The following PRKCB variants were observed in gnomAD, a reference collection of about 807,000 sequenced individuals.
PRKCB encodes the protein protein kinase C beta type.
Under a neutral mutation model 81.5 loss-of-function variants are expected in PRKCB, and 13 were observed. That is an observed-to-expected ratio of 0.16 (90% CI 0.10 to 0.25). PRKCB has a LOEUF of 0.25. Among genes scored for constraint, PRKCB ranks in the 10% least tolerant of loss-of-function variants. The pLI, the probability that PRKCB is intolerant of heterozygous loss-of-function variation, is 1.00. For missense variants in PRKCB, 509 were observed against 875.7 expected, an observed-to-expected ratio of 0.58 and a Z score of 5.29; for synonymous variants, 335 against 321.4, an observed-to-expected ratio of 1.04 and a Z score of -0.45.
chr16:23,839,084 G>C (rs1410318358), intron 2 of PRKCB, among the ~76,000 whole-genome samples: 1 of 152,052 alleles, frequency 6.6e-6, no homozygotes, highest in Non-Finnish European at 1.5e-5. Context: ...TTTTTACCAC[G>C]GATCTTCTAT....
intron 8 of PRKCB, among the ~76,000 whole-genome samples, chr16:24,118,467 T>C (rs183450003): frequency 8.5e-5 from 13 of 152,336 alleles, no homozygotes; most frequent in African/African-American, 2.6e-4. Flanking sequence ...ACTCCTAGCC[T>C]ACAGAGGTCC....
At chr16:24,011,682 A>G (rs1026854629) in intron 3 of PRKCB, among the ~76,000 whole-genome samples, 1 of 152,032 alleles carries the variant, frequency 6.6e-6, no homozygotes, top group Admixed American at 6.5e-5. Context: ...ACACCTGGCT[A>G]ATTTTAAATT....
chr16:23,948,980 C>T (rs147090157), intron 2 of PRKCB, among the ~76,000 whole-genome samples: 9 of 152,264 alleles, frequency 5.9e-5, no homozygotes, highest in African/African-American at 1.4e-4. Flanking sequence ...GGGCTGGGCA[C>T]GCCTGTTGGT....
At chr16:23,973,766 G>A (rs1380004785) in intron 2 of PRKCB, among the ~76,000 whole-genome samples, 2 of 151,816 alleles carry the variant, frequency 1.3e-5, no homozygotes, top group African/African-American at 2.4e-5. Context: ...CTGCAGCCTC[G>A]ACCTCCTGGG....
At chr16:23,838,528 T>A (rs1020847390) in intron 2 of PRKCB, among the ~76,000 whole-genome samples, 2 of 152,368 alleles carry the variant, frequency 1.3e-5, no homozygotes, top group African/African-American at 4.8e-5. Flanking sequence ...GGCACATTTC[T>A]GGGGTATTGT....
chr16:24,041,950 C>G (rs1965702978), intron 5 of PRKCB, among the ~76,000 whole-genome samples: 1 of 145,946 alleles, frequency 6.9e-6, no homozygotes. Flanking sequence ...CATCACAGCA[C>G]TCCAGCCTGG....
intron 10 of PRKCB, among the ~76,000 whole-genome samples, chr16:24,170,041 C>G (rs1967417418): frequency 1.3e-5 from 2 of 152,202 alleles, no homozygotes; most frequent in Admixed American, 1.3e-4. Flanking sequence ...CTCAGTCTCC[C>G]AAAGTGCTGG....
intron 16 of PRKCB, among the ~76,000 whole-genome samples, chr16:24,205,601 A>G (rs1310491203): frequency 3.3e-5 from 5 of 152,194 alleles, no homozygotes; most frequent in Non-Finnish European, 7.4e-5. Context: ...CAAGGACTTC[A>G]TAGAGCTTTT....
chr16:24,034,363 T>C (rs984380219), intron 4 of PRKCB, among the ~76,000 whole-genome samples: 2 of 152,174 alleles, frequency 1.3e-5, no homozygotes, highest in African/African-American at 4.8e-5. Flanking sequence ...TGGGGTGACT[T>C]GGCCTCTCCT....
intron 7 of PRKCB, among the ~76,000 whole-genome samples, chr16:24,097,001 C>CCTTGT (rs1158231387): frequency 6.7e-6 from 1 of 148,220 alleles, no homozygotes; most frequent in Non-Finnish European, 1.5e-5. Flanking sequence ...CTTATGACTT[C>CCTTGT]CTTGTCTTGG....
chr16:24,010,366 G>A (rs764388011), intron 3 of PRKCB, among the ~76,000 whole-genome samples: 2 of 152,194 alleles, frequency 1.3e-5, no homozygotes, highest in Admixed American at 1.3e-4. Context: ...TACAACTGTG[G>A]TGTATTTTAA....
chr16:23,933,316 A>G (rs1387868180), intron 2 of PRKCB, among the ~76,000 whole-genome samples: 1 of 152,162 alleles, frequency 6.6e-6, no homozygotes. Flanking sequence ...ACTGACTGAG[A>G]GCACTGTCAT....
At chr16:24,186,922 T>G (rs571683098) in intron 15 of PRKCB, among the ~76,000 whole-genome samples, 1 of 152,132 alleles carries the variant, frequency 6.6e-6, no homozygotes, top group Non-Finnish European at 1.5e-5. Context: ...AAATATTTTC[T>G]TTGAGGGTGT....
chr16:23,962,390 T>C (rs74698295), intron 2 of PRKCB, among the ~76,000 whole-genome samples: 8 of 152,360 alleles, frequency 5.3e-5, no homozygotes, highest in African/African-American at 1.9e-4. Context: ...TTTTGATTCC[T>C]TGAATGCACC....
At chr16:24,021,117 C>CTTTCTTTCTTTT (rs1965379109) in intron 3 of PRKCB, among the ~76,000 whole-genome samples, 5 of 128,204 alleles carry the variant, frequency 3.9e-5, no homozygotes, top group Admixed American at 7.9e-5. Flanking sequence ...CCTTCTCTCT[C>CTTTCTTTCTTTT]TTTCTTTCTT....
chr16:23,902,304 A>T (rs1054836808), intron 2 of PRKCB, among the ~76,000 whole-genome samples: 4 of 152,346 alleles, frequency 2.6e-5, no homozygotes, highest in Admixed American at 2.6e-4. Context: ...GAATAATTTC[A>T]GATTTTTAGA....
chr16:23,988,010 C>T (rs1241685882), intron 2 of PRKCB, among the ~76,000 whole-genome samples: 4 of 152,294 alleles, frequency 2.6e-5, no homozygotes, highest in Non-Finnish European at 5.9e-5. Flanking sequence ...ATTAGATTGA[C>T]GTTGCTTTTG....
rs190239175 is a variant in PRKCB, at chr16:23,940,589, A to G, written c.206-47919A>G. On this transcript the variant is annotated intron_variant, in intron 2 of 16. Transcript: ENST00000643927. ...AAGCAAAGCAAACAAAAGAGCCAAT[A>G]AAACATCTACTTCTAATTATATATT... Among the ~76,000 whole-genome samples, 4 of 152,218 alleles carry G rather than the reference A, an allele frequency of 2.6e-5. No individual in the cohort carries two copies. The East Asian group carries it at 7.7e-4, about 29-fold the overall frequency.
intron 5 of PRKCB, 34 bp from the exon 6 acceptor site, chr16:24,092,756 CA>C: frequency 6.3e-7 from 1 of 1,593,880 alleles, no homozygotes; most frequent in Non-Finnish European, 8.6e-7. Context: ...ACATGTTGGA[CA>C]GTATTAATGC....
Sources: gnomAD v4.1 joint callset for allele counts (sites outside exome capture counted in the v4.1 genomes callset) on GRCh38, gnomAD v4.1.1 for gene constraint, MANE v1.5 for transcripts, NCBI Gene and HGNC (gene_info 2026-07-23, HGNC 2026-07-21) for gene names.